Variants in PIEZO2 observed in about 807,000 individuals in gnomAD.
PIEZO2 encodes piezo type mechanosensitive ion channel component 2.
In PIEZO2, 172 loss-of-function variants were observed where a neutral mutation model predicts 337.3. The observed-to-expected ratio is 0.51, with a 90% CI of 0.45 to 0.58. The LOEUF (loss-of-function observed/expected upper bound fraction) is 0.58, where lower values mean the gene tolerates loss of function less well. Among genes scored for constraint, PIEZO2 ranks in the 20% least tolerant of loss-of-function variants. The probability of loss-of-function intolerance (pLI) is 0.00; values close to 1 mark genes in which losing one functional copy is unlikely to be tolerated. For missense variants in PIEZO2, 3,028 were observed against 3,391.3 expected, an observed-to-expected ratio of 0.89 and a Z score of 2.66; for synonymous variants, 1,251 against 1,228.5, an observed-to-expected ratio of 1.02 and a Z score of -0.38.
In PIEZO2 at chr18:10,682,275, C is replaced by T. The variant is rs2034299171; in HGVS notation, c.7515G>A (p.Arg2505=). The stretch of plus-strand genomic sequence containing the variant: ...TCACCACTTTCTTCTTCTTCTGGCC[C>T]CGTGGCTGAGGGTATCTCTGCAACA... ...RESEKRYPQP[R]GQKKKKVVKY... The change falls in exon 50 of 56, where the codon CGG becomes CGA. Residue 2505 remains arginine, a synonymous_variant. Transcript: ENST00000674853. The surrounding 1 kb of genome is among the most constrained non-coding windows in gnomAD (Gnocchi z 5.6). 5 of 1,536,384 alleles carry T rather than the reference C, an allele frequency of 3.3e-6. No homozygotes were observed. Among genetic ancestry groups the T allele is most frequent in the Non-Finnish European group, 4.4e-6 (5 of 1,146,382 alleles).
At position 10,855,651 on chromosome 18, in the gene PIEZO2, T is replaced by C; in HGVS notation, c.704-85A>G. 9.2e-7 allele frequency: 1 copy of C among 1,090,728 alleles called. No homozygotes were observed. Among genetic ancestry groups the C allele is most frequent in the Non-Finnish European group, 1.3e-6 (1 of 776,464 alleles). 67.6% of individuals were successfully genotyped at this position (1,090,728 alleles called of 1,614,324 possible). On this transcript the variant is annotated intron_variant, in intron 6 of 55. Transcript: ENST00000674853. This position sits in a 1 kb window ranked among gnomAD's most constrained non-coding sequence, Gnocchi z 4.9. ...GTGAATGTGACTATTTGAAATTATG[T>C]GAATTTCCTTCAAGTGTTTTTAGGT...
intron 1 of PIEZO2, among the ~76,000 whole-genome samples, chr18:11,088,207 G>A (rs2038968020): frequency 6.6e-6 from 1 of 152,192 alleles, no homozygotes; most frequent in African/African-American, 2.4e-5. Flanking sequence ...GGAAATTAAT[G>A]CAGAGGAGGT....
At chr18:10,858,343 A>AAAAG (rs2041781990) in intron 5 of PIEZO2, among the ~76,000 whole-genome samples, 13 of 149,496 alleles carry the variant, frequency 8.7e-5, no homozygotes, top group African/African-American at 3.0e-4. Context: ...AAAAAAAAAA[A>AAAAG]AAAAGAAAAG....
At position 10,993,346 on chromosome 18, in the gene PIEZO2, C is replaced by T. The variant is rs369106306; in HGVS notation, c.161-13686G>A. Among the ~76,000 whole-genome samples, 146 of 152,222 alleles carry T rather than the reference C, an allele frequency of 9.6e-4. 1 individual carries two copies. The highest frequency in any genetic ancestry group is 4.4e-3 in the South Asian group (21 of 4,820). ...ATTCAGTATGATATTGCCTGTGGGC[C>T]TATCATAAACAGCTCTTATTATTTT... On this transcript the variant is annotated intron_variant, in intron 2 of 55. Transcript: ENST00000674853. This position sits in a 1 kb window ranked among gnomAD's most constrained non-coding sequence, Gnocchi z 5.0.
chr18:10,691,452 A>G, intron 47 of PIEZO2, 69 bp from the exon 48 acceptor site: 1 of 1,492,820 alleles, frequency 6.7e-7, no homozygotes, highest in Non-Finnish European at 9.2e-7. Context: ...GGCAGTGTCA[A>G]ATTAAAACAA....
At chr18:10,965,098 T>C (rs2033942088) in intron 3 of PIEZO2, among the ~76,000 whole-genome samples, 1 of 152,232 alleles carries the variant, frequency 6.6e-6, no homozygotes, top group Admixed American at 6.5e-5. Flanking sequence ...AACAGGTATC[T>C]GTGTGAATAC....
At chr18:10,916,008 G>C (rs528377553) in intron 3 of PIEZO2, among the ~76,000 whole-genome samples, 38 of 151,188 alleles carry the variant, frequency 2.5e-4, no homozygotes, top group African/African-American at 9.2e-4. Flanking sequence ...CCTTGAGCTA[G>C]TCACAGAGTG....
intron 33 of PIEZO2, chr18:10,738,759 T>TATCA (rs1260892727): frequency 1.3e-5 from 2 of 152,234 alleles, no homozygotes; most frequent in African/African-American, 4.8e-5. Flanking sequence ...TTCAGATATT[T>TATCA]ATCAATAAGA....
intron 4 of PIEZO2, among the ~76,000 whole-genome samples, chr18:10,890,227 G>A (rs1283871584): frequency 1.3e-5 from 2 of 152,064 alleles, no homozygotes; most frequent in African/African-American, 2.4e-5. Flanking sequence ...ACAGTCTCAG[G>A]GTCTCCATTT....
intron 7 of PIEZO2, among the ~76,000 whole-genome samples, chr18:10,818,758 G>C (rs1350987264): frequency 2.0e-5 from 3 of 152,100 alleles, no homozygotes; most frequent in Non-Finnish European, 2.9e-5. Context: ...TATTTGTTTA[G>C]AGCATCCTCA....
Position 10,903,103 on chromosome 18 carries a change from C to T in PIEZO2, c.329+8083G>A, listed in dbSNP as rs1319590444. 6.6e-6 allele frequency among the ~76,000 whole-genome samples: 1 copy of T among 152,106 alleles called. No homozygotes were observed. Among genetic ancestry groups the T allele is most frequent in the Non-Finnish European group, 1.5e-5 (1 of 68,024 alleles). On this transcript the variant is annotated intron_variant, in intron 4 of 55. Transcript: ENST00000674853. The surrounding 1 kb of genome is among the most constrained non-coding windows in gnomAD (Gnocchi z 4.1). Reference sequence around the variant, plus strand: ...CTGTACTCATTCCAGAATCCTTCCTCCCCTACACGCTGACAGTCAATTATT... The same window carrying T: ...CTGTACTCATTCCAGAATCCTTCCTTCCCTACACGCTGACAGTCAATTATT...
In PIEZO2 at chr18:10,708,323, C is replaced by T. The variant is rs576779311; in HGVS notation, c.5540G>A (p.Ser1847Asn). 5.2e-5 allele frequency: 8 copies of T among 152,784 alleles called. No homozygotes were observed. Among genetic ancestry groups the T allele is most frequent in the South Asian group, 4.2e-4 (2 of 4,816 alleles). The allele number at this position is 152,784 out of a possible 1,614,324, so 9.5% of individuals were successfully genotyped here. A position where few individuals can be genotyped will look rare whatever the true frequency, so the allele number is the denominator to read the frequency against. ...AGCTGATGAGGAGGACATATCCATG[C>T]TGAGCATTTTACGGAGCCTAGGCCG... ...RARPRLRKML[S>N]MDMSSSSADS... The change falls in exon 40 of 56, where the codon AGC becomes AAC. Residue 1847 changes from serine (S) to asparagine (N), a missense_variant. By Grantham distance (46) the Ser-to-Asn change is conservative. Transcript: ENST00000674853.
At position 11,094,673 on chromosome 18, in the gene PIEZO2, T is replaced by G. The variant is rs1378983387; in HGVS notation, c.65-28451A>C. On this transcript the variant is annotated intron_variant, in intron 1 of 55. Transcript: ENST00000674853. The surrounding 1 kb of genome is among the most constrained non-coding windows in gnomAD (Gnocchi z 4.4). ...ATTTCTCTCAATAAAGTGAAGAAAT[T>G]CCTTTTGAATTTTTCTGTACAGATT... Among the ~76,000 whole-genome samples, 3 of 152,196 alleles carry G rather than the reference T, an allele frequency of 2.0e-5. No homozygotes were observed. Among genetic ancestry groups the G allele is most frequent in the Non-Finnish European group, 4.4e-5 (3 of 68,036 alleles).
chr18:10,758,113 C>A lies in PIEZO2; in HGVS notation c.3779G>T (p.Cys1260Phe). The A allele has an allele frequency of 6.5e-7, 1 of 1,537,562 alleles. No homozygotes were observed. The highest frequency in any genetic ancestry group is 8.7e-7 in the Non-Finnish European group (1 of 1,146,896). The change falls in exon 27 of 56, where the codon TGT becomes TTT. Residue 1260 changes from cysteine (C) to phenylalanine (F), a missense_variant. By Grantham distance (205) the Cys-to-Phe change is radical. Around this residue, in one of 5 missense-constraint regions of PIEZO2, gnomAD observed 1,925 missense variants for 2,051.9 expected, o/e 0.94. Transcript: ENST00000674853. ...AAAAATCTGCCGTTGTAAGGAGGCA[C>A]ACAGAAGCAGCATGAAGTCATCTAA... ...FLVYDFMLLLCASLQRQIFED... is the reference protein window; with the variant it reads ...FLVYDFMLLLFASLQRQIFED...
In PIEZO2 at chr18:10,801,664, A is replaced by ACCACAT. The variant is rs10684713; in HGVS notation, c.1201-237_1201-236insATGTGG. Among the ~76,000 whole-genome samples, 124,161 of 151,678 alleles carry ACCACAT rather than the reference A, an allele frequency of 0.82. 50,861 individuals carry two copies. Among genetic ancestry groups the ACCACAT allele is most frequent in the East Asian group, 0.93 (4,822 of 5,160 alleles). On this transcript the variant is annotated intron_variant, in intron 9 of 55. Coordinates refer to ENST00000674853, the MANE Select transcript of PIEZO2 (RefSeq NM_001378183.1). ...TGTTTAGTTATACAGCAGATAAGCA[A>ACCACAT]GTCTATAAATGTTACCATGTTTTTC...
chr18:11,012,079 A>G (rs1453857113), intron 2 of PIEZO2, among the ~76,000 whole-genome samples: 2 of 152,224 alleles, frequency 1.3e-5, no homozygotes, highest in Admixed American at 1.3e-4. Context: ...GCGAAAAAAA[A>G]AGTTTTAGGG....
At chr18:10,792,900 G>A (rs958500915) in intron 13 of PIEZO2, among the ~76,000 whole-genome samples, 4 of 152,204 alleles carry the variant, frequency 2.6e-5, no homozygotes, top group Admixed American at 1.3e-4. Context: ...CCAGCAGTGT[G>A]TGACCATTTC....
chr18:10,809,804 T>C (rs2040130205), intron 7 of PIEZO2, among the ~76,000 whole-genome samples: 1 of 152,190 alleles, frequency 6.6e-6, no homozygotes, highest in African/African-American at 2.4e-5. Context: ...AACTACTCTG[T>C]CTACACTAAG....
rs1002128799 is a variant in PIEZO2, at chr18:10,954,588, C to A, written c.286+24947G>T. On this transcript the variant is annotated intron_variant, in intron 3 of 55. Coordinates refer to ENST00000674853, the MANE Select transcript of PIEZO2 (RefSeq NM_001378183.1). The surrounding 1 kb of genome is among the most constrained non-coding windows in gnomAD (Gnocchi z 4.2). ...GGTAAGGGAATCCTTCATAGATGGA[C>A]AATAATGATGAGAAGAAGAGGGAGG... Among the ~76,000 whole-genome samples, 4 of 151,826 alleles carry A rather than the reference C, an allele frequency of 2.6e-5. No homozygotes were observed. The highest frequency in any genetic ancestry group is 7.3e-5 in the African/African-American group (3 of 41,316).
Sources: allele counts gnomAD v4.1 joint callset (sites outside exome capture counted in the v4.1 genomes callset), GRCh38; gene constraint gnomAD v4.1.1; regional missense constraint gnomAD v4.1.1; non-coding constraint Gnocchi (gnomAD v3.1); transcripts MANE v1.5; gene names NCBI Gene and HGNC (gene_info 2026-07-23, HGNC 2026-07-21).